The following TNS1 variants were observed in gnomAD, a reference collection of about 807,000 sequenced individuals.
The protein encoded by TNS1 is tensin 1, also known as tensin-1.
A neutral mutation model predicts 168.6 loss-of-function variants in TNS1; 62 were observed. That is an observed-to-expected ratio of 0.37 (90% confidence interval 0.30 to 0.45). TNS1 has a LOEUF of 0.45. Among genes scored for constraint, TNS1 ranks in the 20% least tolerant of loss-of-function variants. The pLI is 1.00. For missense variants in TNS1, 2,240 were observed against 2,339.4 expected, an observed-to-expected ratio of 0.96 and a Z score of 0.88; for synonymous variants, 934 against 933.2, an observed-to-expected ratio of 1.00 and a Z score of -0.02.
At chr2:218,007,288 A>T (rs1332883696), upstream of TNS1, among the ~76,000 whole-genome samples, 1 of 152,132 alleles carries the variant, frequency 6.6e-6, no homozygotes, top group Admixed American at 6.5e-5. Flanking sequence ...TTAACTAGGC[A>T]CTTGGCTTGC....
At chr2:217,887,093 A>G (rs1056879669) in intron 12 of TNS1, among the ~76,000 whole-genome samples, 2 of 152,022 alleles carry the variant, frequency 1.3e-5, no homozygotes, top group Non-Finnish European at 2.9e-5. Context: ...TTGCGCTCAT[A>G]CTCACAGCCC....
chr2:217,886,080 T>C lies in TNS1; in HGVS notation c.1004A>G (p.Tyr335Cys). ...TGTGTACACAGGTTGCATGGCCTGG[T>C]AGATGCGGAGAAATGGCCGACATCC... ...KGGCRPFLRI[Y>C]QAMQPVYTSG... The change falls in exon 14 of 33, where the codon TAC (tyrosine) becomes TGC (cysteine). Residue 335 changes from tyrosine to cysteine, a missense_variant. Transcript: ENST00000682258. 2.5e-6 allele frequency: 4 copies of C among 1,613,228 alleles called. No homozygotes were observed. The highest frequency in any genetic ancestry group is 2.2e-5 in the South Asian group (2 of 91,030).
chr2:218,024,284 A>T (rs1307562660), intron 1 of TNS1, among the ~76,000 whole-genome samples: 1 of 152,042 alleles, frequency 6.6e-6, no homozygotes. Context: ...ATGCAAGAGA[A>T]CCACAAAGAA....
intron 1 of TNS1, among the ~76,000 whole-genome samples, chr2:218,002,032 G>A: frequency 6.6e-6 from 1 of 152,158 alleles, no homozygotes; most frequent in East Asian, 1.9e-4. Flanking sequence ...TCTGAGGAAG[G>A]GGTCCTCTCC....
chr2:218,023,613 A>T (rs1314567059), intron 1 of TNS1, among the ~76,000 whole-genome samples: 1 of 152,172 alleles, frequency 6.6e-6, no homozygotes, highest in Non-Finnish European at 1.5e-5. Context: ...CACCTACTTC[A>T]TGCTGGGAAC....
At chr2:217,971,227 A>C (rs1481434544) in intron 3 of TNS1, among the ~76,000 whole-genome samples, 1 of 152,208 alleles carries the variant, frequency 6.6e-6, no homozygotes, top group Non-Finnish European at 1.5e-5. Context: ...ACACCTTTGC[A>C]GCCAATCTCC....
At position 217,978,909 on chromosome 2, in the gene TNS1, A is replaced by G; in HGVS notation, c.149-107T>C. 5 of 677,970 alleles carry G rather than the reference A, an allele frequency of 7.4e-6. No homozygotes were observed. In the South Asian group the frequency reaches 7.6e-5, roughly 10 times the overall value. The allele number at this position is 677,970 out of a possible 1,614,324, so 42.0% of individuals were successfully genotyped here. A position where few individuals can be genotyped will look rare whatever the true frequency, so the allele number is the denominator to read the frequency against. On this transcript the variant is annotated intron_variant, in intron 2 of 32. Transcript: ENST00000682258. ...GCCCGCAATCCGCGCTCGGGAAGGA[A>G]GGAGGGAAGGAGGGACGGAGGGAAG... is the stretch of plus-strand genomic sequence containing the variant.
chr2:217,819,839 T>C (rs866033921), intron 23 of TNS1, among the ~76,000 whole-genome samples: 1 of 152,056 alleles, frequency 6.6e-6, no homozygotes, highest in South Asian at 2.1e-4. Flanking sequence ...GAACCCCCCA[T>C]GGGGAGAGGT....
chr2:217,951,234 G>T (rs1957232524), intron 3 of TNS1, among the ~76,000 whole-genome samples: 1 of 152,152 alleles, frequency 6.6e-6, no homozygotes, highest in African/African-American at 2.4e-5. Flanking sequence ...CTGAGTGCAA[G>T]ATCTGGCCTA....
At chr2:217,830,029 G>A (rs1944188522) in intron 22 of TNS1, 16 of 1,470,866 alleles carry the variant, frequency 1.1e-5, no homozygotes, top group Non-Finnish European at 1.4e-5. Context: ...GGAGAAAACG[G>A]AGATGGGAAA....
chr2:217,945,568 G>A lies in TNS1; in HGVS notation c.187-25332C>T, dbSNP rs145601410. On this transcript the variant is annotated intron_variant, in intron 3 of 32. Coordinates refer to ENST00000682258, the MANE Select transcript of TNS1 (RefSeq NM_001387777.1). ...CCTCTCCTAGCTGGAAAGAGGGTCT[G>A]GGTTCTGAGTCCCAAATTCCAGCAT... is the stretch of plus-strand genomic sequence containing the variant. Among the ~76,000 whole-genome samples, 5 of 152,286 alleles carry A rather than the reference G, an allele frequency of 3.3e-5. No individual in the cohort carries two copies. In the East Asian group the frequency reaches 9.7e-4, roughly 29 times the overall value.
chr2:218,008,318 G>A (rs556174396), intron 1 of TNS1, among the ~76,000 whole-genome samples: 3,616 of 152,272 alleles, frequency 0.024, 157 homozygotes, highest in African/African-American at 0.083. Flanking sequence ...CCGACCCCCA[G>A]TCGCCAGCTC....
upstream of TNS1, among the ~76,000 whole-genome samples, chr2:218,015,164 A>T (rs1574481725): frequency 6.6e-6 from 1 of 151,284 alleles, no homozygotes; most frequent in Non-Finnish European, 1.5e-5. Context: ...TTAAACTTGA[A>T]CCCCTGCCCC....
intron 17 of TNS1, 140 bp from the exon 18 acceptor site, chr2:217,881,154 G>T: frequency 1.6e-6 from 1 of 633,664 alleles, no homozygotes; most frequent in Non-Finnish European, 2.8e-6. Context: ...CTTGAGCGTG[G>T]TGGGCGGGAC....
rs191961315 is a variant in TNS1, at chr2:217,886,615, C to G, written c.898G>C (p.Gly300Arg). ...GGCTTGTTGTTCATTTTGATGGAGCCGGAGAGCAGGCCACTGAAGTAATGC... is the reference window on the plus strand; with the variant it reads ...GGCTTGTTGTTCATTTTGATGGAGCGGGAGAGCAGGCCACTGAAGTAATGC... ...YVHYFSGLLS[G>R]SIKMNNKPLF... is the part of the protein sequence containing the mutation. Residue 300 changes from glycine (G) to arginine (R), a missense_variant, in exon 13 of 33, where the codon GGC becomes CGC. Gly to Arg is a moderately radical substitution (Grantham distance 125). Around this residue, in one of 2 missense-constraint regions of TNS1, gnomAD observed 2,131 missense variants for 2,171.2 expected, o/e 0.98. Transcript: ENST00000682258. The G allele has an allele frequency of 4.4e-6, 7 of 1,597,954 alleles. No homozygotes were observed. The highest frequency in any genetic ancestry group is 1.7e-4 in the Middle Eastern group (1 of 6,016).
chr2:217,998,023 C>CA (rs1466448809), intron 1 of TNS1, among the ~76,000 whole-genome samples: 2 of 152,206 alleles, frequency 1.3e-5, no homozygotes, highest in African/African-American at 2.4e-5. Flanking sequence ...ACACTTGTTA[C>CA]AAGCCAAGAC....
At chr2:217,827,568 C>T (rs1376697207) in intron 22 of TNS1, among the ~76,000 whole-genome samples, 2 of 152,190 alleles carry the variant, frequency 1.3e-5, no homozygotes, top group East Asian at 3.8e-4. Context: ...TCCCAGGGCA[C>T]GGTGCCTGCA....
rs183281111 is a variant in TNS1, at chr2:217,821,733, G to T, written c.3572+7C>A. 29 of 1,433,512 alleles carry T rather than the reference G, an allele frequency of 2.0e-5. No homozygotes were observed. Among genetic ancestry groups the T allele is most frequent in the Non-Finnish European group, 2.6e-5 (28 of 1,094,346 alleles). 88.8% of individuals were successfully genotyped at this position (1,433,512 alleles called of 1,614,324 possible). The stretch of plus-strand genomic sequence containing the variant: ...CATCCCCCACCCACTGCCCCTTCCC[G>T]GCTTACCTGTCAGCACTGAGGATGG... On this transcript the variant is annotated splice_region_variant and intron_variant, in intron 23 of 32. Transcript: ENST00000682258.
At chr2:217,907,326 T>G in intron 4 of TNS1, 75 bp from the exon 5 acceptor site, 1 of 695,612 alleles carries the variant, frequency 1.4e-6, no homozygotes, top group Middle Eastern at 2.3e-4. Flanking sequence ...CCATGGCTAG[T>G]GGCCCTGATG....
Sources: gnomAD v4.1 joint callset for allele counts (sites outside exome capture counted in the v4.1 genomes callset) on GRCh38, gnomAD v4.1.1 for gene constraint, gnomAD v4.1.1 regional missense constraint, MANE v1.5 for transcripts, NCBI Gene and HGNC (gene_info 2026-07-23, HGNC 2026-07-21) for gene names.